FRMD4B: variants seen among roughly 807,000 people sequenced by gnomAD.
The protein encoded by FRMD4B is FERM domain-containing protein 4B.
In FRMD4B, 74 loss-of-function variants were observed where a neutral mutation model predicts 141.5. The observed-to-expected ratio is 0.52, with a 90% CI of 0.43 to 0.63. The LOEUF is 0.63. FRMD4B is among the 30% of genes least tolerant of loss of function. The probability of loss-of-function intolerance (pLI) is 0.00; values close to 1 mark genes in which losing one functional copy is unlikely to be tolerated. For missense variants in FRMD4B, 1,366 were observed against 1,253.4 expected, an observed-to-expected ratio of 1.09 and a Z score of -1.36; for synonymous variants, 506 against 467.9, an observed-to-expected ratio of 1.08 and a Z score of -1.05.
chr3:69,331,019 C>A (rs1245081245), intron 1 of FRMD4B, among the ~76,000 whole-genome samples: 1 of 151,628 alleles, frequency 6.6e-6, no homozygotes, highest in Non-Finnish European at 1.5e-5. Context: ...CGTTCTGCCT[C>A]CATCAGAAGG....
At chr3:69,440,342 T>C (rs147977120) in intron 1 of FRMD4B, among the ~76,000 whole-genome samples, 72 of 152,370 alleles carry the variant, frequency 4.7e-4, no homozygotes, top group African/African-American at 1.7e-3. Context: ...AAGCATCCTA[T>C]ATCATATAGA....
intron 1 of FRMD4B, among the ~76,000 whole-genome samples, chr3:69,433,606 C>T (rs4855405): frequency 0.67 from 102,352 of 152,108 alleles, 35,005 homozygotes; most frequent in East Asian, 0.85. Flanking sequence ...AGGGGATTTC[C>T]TCACAAACAC....
intron 7 of FRMD4B, among the ~76,000 whole-genome samples, chr3:69,243,902 T>C (rs2093406240): frequency 6.6e-6 from 1 of 151,996 alleles, no homozygotes; most frequent in South Asian, 2.1e-4. Context: ...AAACAATAGC[T>C]GGGCATGGTG....
chr3:69,224,790 G>A, intron 7 of FRMD4B, 100 bp from the exon 8 acceptor site: 1 of 676,878 alleles, frequency 1.5e-6, no homozygotes. Context: ...ACTATTTACA[G>A]CATGTTGGAG....
rs138259707 is a variant in FRMD4B at position 69,450,733 on chromosome 3, G to C, written c.-128-17972C>G. 3.5e-3 allele frequency among the ~76,000 whole-genome samples: 527 copies of C among 151,288 alleles called. 6 individuals carry two copies. Among genetic ancestry groups the C allele is most frequent in the African/African-American group, 0.012 (493 of 41,170 alleles). On this transcript the variant is annotated intron_variant, in intron 1 of 5. Coordinates refer to the FRMD4B transcript ENST00000459638. ...TGTGCCATTGCACTCCAGCTTGGGC[G>C]ACAAGAGTGAAACTCCACCTCCAAA...
chr3:69,345,615 C>T lies in FRMD4B; in HGVS notation c.163-32098G>A, dbSNP rs141055089. ...GGATCAGACTGACACCTCACACAGCCGGGTAGTCCTCTGAGACAAAGCCAA... is the reference window on the plus strand; with the variant it reads ...GGATCAGACTGACACCTCACACAGCTGGGTAGTCCTCTGAGACAAAGCCAA... On this transcript the variant is annotated intron_variant, in intron 1 of 22. Coordinates refer to ENST00000398540, the MANE Select transcript of FRMD4B (RefSeq NM_015123.3). 8.2e-3 allele frequency among the ~76,000 whole-genome samples: 1,245 copies of T among 152,242 alleles called. 25 individuals carry two copies. Among genetic ancestry groups the T allele is most frequent in the African/African-American group, 0.028 (1,160 of 41,538 alleles).
chr3:69,284,703 C>A (rs182303760), intron 5 of FRMD4B, among the ~76,000 whole-genome samples: 22 of 152,214 alleles, frequency 1.4e-4, no homozygotes, highest in African/African-American at 5.1e-4. Context: ...AAACATGACC[C>A]ATAACAAAGA....
chr3:69,413,541 C>T (rs1039391221), intron 2 of FRMD4B, among the ~76,000 whole-genome samples: 1 of 152,198 alleles, frequency 6.6e-6, no homozygotes, highest in African/African-American at 2.4e-5. Context: ...GGTACCTGCC[C>T]ATAGTCACAA....
At chr3:69,267,626 TATATATATATAGAGAGAGAG>T (rs2093572040) in intron 5 of FRMD4B, among the ~76,000 whole-genome samples, 13 of 13,900 alleles carry the variant, frequency 9.4e-4, no homozygotes, top group African/African-American at 2.0e-3. Context: ...TATATATATA[TATATATATATAGAGAGAGAG>T]AGAGAGAGAG....
At chr3:69,399,752 T>A (rs184822811) in intron 2 of FRMD4B, among the ~76,000 whole-genome samples, 117 of 152,158 alleles carry the variant, frequency 7.7e-4, no homozygotes, top group Non-Finnish European at 1.2e-3. Context: ...TCAAAGCAGG[T>A]GAGTGCCCCA....
intron 1 of FRMD4B, among the ~76,000 whole-genome samples, chr3:69,364,022 C>G (rs1445492646): frequency 2.6e-5 from 4 of 152,182 alleles, no homozygotes; most frequent in Admixed American, 2.6e-4. Context: ...AGAGACCAAT[C>G]AATCAGTATT....
intron 7 of FRMD4B, among the ~76,000 whole-genome samples, chr3:69,240,380 C>A (rs1234868510): frequency 1.4e-5 from 2 of 146,356 alleles, no homozygotes; most frequent in Non-Finnish European, 3.0e-5. Context: ...ACTTGGGAGG[C>A]TGAGGCAGGA....
chr3:69,410,914 A>G (rs1241518113), intron 2 of FRMD4B, among the ~76,000 whole-genome samples: 2 of 151,748 alleles, frequency 1.3e-5, no homozygotes, highest in East Asian at 1.9e-4. Flanking sequence ...AATGGAAAAC[A>G]CTACTTTAAA....
intron 3 of FRMD4B, among the ~76,000 whole-genome samples, chr3:69,309,881 T>A (rs1369635355): frequency 6.6e-6 from 1 of 152,226 alleles, no homozygotes; most frequent in Non-Finnish European, 1.5e-5. Context: ...TATTTATGGC[T>A]TTATGTCTTA....
intron 11 of FRMD4B, among the ~76,000 whole-genome samples, chr3:69,203,763 CA>C (rs2107680233): frequency 6.6e-6 from 1 of 152,250 alleles, no homozygotes; most frequent in South Asian, 2.1e-4. Context: ...GGCTCAGTAT[CA>C]AAATTCAGTA....
chr3:69,403,977 C>T lies in FRMD4B; in HGVS notation c.-1+28657G>A, dbSNP rs186900458. ...TGCAGTGGCACAATTATGCTCACAG[C>T]CTTGAATTCCTGGGCTCAAGCAATC... On this transcript the variant is annotated intron_variant, in intron 2 of 5. Coordinates refer to the FRMD4B transcript ENST00000459638. Among the ~76,000 whole-genome samples the T allele has an allele frequency of 7.2e-4, 109 of 152,278 alleles. 1 individual carries two copies. Among genetic ancestry groups the T allele is most frequent in the Admixed American group, 3.3e-4 (5 of 15,286 alleles).
chr3:69,191,177 G>A (rs1321034917), intron 17 of FRMD4B, among the ~76,000 whole-genome samples: 2 of 152,182 alleles, frequency 1.3e-5, no homozygotes, highest in South Asian at 2.1e-4. Flanking sequence ...TCAGCACTTC[G>A]AGAGGCCGAG....
At chr3:69,320,371 T>C (rs1029823742) in intron 1 of FRMD4B, among the ~76,000 whole-genome samples, 9 of 152,092 alleles carry the variant, frequency 5.9e-5, no homozygotes, top group Non-Finnish European at 1.0e-4. Flanking sequence ...GGCAGGAGCA[T>C]TGTTTGAGCC....
intron 1 of FRMD4B, among the ~76,000 whole-genome samples, chr3:69,362,700 A>AACCCC (rs1703503903): frequency 7.0e-6 from 1 of 142,706 alleles, no homozygotes; most frequent in African/African-American, 2.6e-5. Flanking sequence ...CAAAAAGCCA[A>AACCCC]CCCCCCCCCC....
Sources: gnomAD v4.1 joint callset for allele counts (sites outside exome capture counted in the v4.1 genomes callset) on GRCh38, gnomAD v4.1.1 for gene constraint, MANE v1.5 for transcripts, NCBI Gene and HGNC (gene_info 2026-07-23, HGNC 2026-07-21) for gene names.